BAZ2B: variants seen among roughly 807,000 people sequenced by gnomAD.
The protein encoded by BAZ2B is bromodomain adjacent to zinc finger domain protein 2B.
A neutral mutation model predicts 246.0 loss-of-function variants in BAZ2B; 91 were observed. The observed-to-expected ratio is 0.37, with a 90% CI of 0.31 to 0.44. The LOEUF (loss-of-function observed/expected upper bound fraction) is 0.44, where lower values mean the gene tolerates loss of function less well. BAZ2B is among the 20% of genes least tolerant of loss of function. The pLI is 1.00. For missense variants in BAZ2B, 2,332 were observed against 2,533.7 expected (o/e 0.92, Z 1.71); for synonymous variants, 855 against 860.0 (o/e 0.99, Z 0.10).
chr2:159,562,176 T>G (rs1259525296), intron 1 of BAZ2B, among the ~76,000 whole-genome samples: 5 of 152,224 alleles, frequency 3.3e-5, no homozygotes, highest in Admixed American at 3.3e-4. Flanking sequence ...TTTGCATCAC[T>G]TGTCTTTATT....
At chr2:159,682,497 CA>C in the BAZ2B span, among the ~76,000 whole-genome samples, 1 of 152,058 alleles carries the variant, frequency 6.6e-6, no homozygotes, top group Non-Finnish European at 1.5e-5. Context: ...TTCTATTGGC[CA>C]AAACATTTGG....
intron 1 of BAZ2B, among the ~76,000 whole-genome samples, chr2:159,573,662 G>A (rs1317217344): frequency 1.3e-5 from 2 of 152,178 alleles, no homozygotes; most frequent in Non-Finnish European, 1.5e-5. Flanking sequence ...AATAGATAAC[G>A]TGGACTTTTG....
intron 24 of BAZ2B, among the ~76,000 whole-genome samples, chr2:159,383,140 A>G (rs2062206938): frequency 1.3e-5 from 2 of 152,170 alleles, no homozygotes; most frequent in African/African-American, 4.8e-5. Context: ...AATTACTACA[A>G]AGAAACTAAC....
chr2:159,690,962 G>A, the BAZ2B span, among the ~76,000 whole-genome samples: 1 of 151,894 alleles, frequency 6.6e-6, no homozygotes, highest in Admixed American at 6.6e-5. Flanking sequence ...TGCTCCTGAT[G>A]GTACTAGTAA....
At chr2:159,390,624 A>T (rs1163301227) in intron 20 of BAZ2B, among the ~76,000 whole-genome samples, 1 of 152,132 alleles carries the variant, frequency 6.6e-6, no homozygotes, top group Non-Finnish European at 1.5e-5. Flanking sequence ...GCCAAGAGGG[A>T]GAAAGAGAGG....
At chr2:159,594,404 C>G (rs985944747) in intron 1 of BAZ2B, among the ~76,000 whole-genome samples, 2 of 149,928 alleles carry the variant, frequency 1.3e-5, no homozygotes, top group South Asian at 2.1e-4. Flanking sequence ...GAGACTCCGT[C>G]TCAAAAAAAA....
intron 1 of BAZ2B, among the ~76,000 whole-genome samples, chr2:159,595,506 G>A (rs1293467999): frequency 6.6e-6 from 1 of 152,188 alleles, no homozygotes; most frequent in Admixed American, 6.5e-5. Flanking sequence ...TGTAAAAAGT[G>A]GTGTTGTGTG....
At chr2:159,357,947 C>T (rs945324028) in intron 27 of BAZ2B, among the ~76,000 whole-genome samples, 1 of 152,172 alleles carries the variant, frequency 6.6e-6, no homozygotes, top group Admixed American at 6.6e-5. Context: ...GCCTGCCTTA[C>T]AAGAGCTCCT....
chr2:159,549,041 G>A (rs2087758453), intron 2 of BAZ2B, among the ~76,000 whole-genome samples: 1 of 152,116 alleles, frequency 6.6e-6, no homozygotes, highest in South Asian at 2.1e-4. Context: ...GCACTTATGG[G>A]AGGCCGAGGC....
the BAZ2B span, among the ~76,000 whole-genome samples, chr2:159,707,216 G>A: frequency 6.6e-6 from 1 of 151,884 alleles, no homozygotes; most frequent in Non-Finnish European, 1.5e-5. Context: ...GCTACATTTG[G>A]CCCATGTACC....
chr2:159,350,910 G>A (rs1237073549), intron 27 of BAZ2B, among the ~76,000 whole-genome samples: 4 of 148,216 alleles, frequency 2.7e-5, no homozygotes, highest in Non-Finnish European at 4.5e-5. Flanking sequence ...ATTAAAATCC[G>A]GTGGGGGGAG....
At chr2:159,455,150 C>A (rs1347157726) in intron 3 of BAZ2B, among the ~76,000 whole-genome samples, 3 of 152,004 alleles carry the variant, frequency 2.0e-5, no homozygotes, top group African/African-American at 7.2e-5. Flanking sequence ...CTGTGCACTG[C>A]AATTTAATTA....
the BAZ2B span, among the ~76,000 whole-genome samples, chr2:159,709,255 T>A: frequency 1.4e-4 from 21 of 151,052 alleles, no homozygotes; most frequent in East Asian, 3.9e-3. Flanking sequence ...TTGTTCTCAA[T>A]CAGGTAGACA....
intron 3 of BAZ2B, among the ~76,000 whole-genome samples, chr2:159,472,711 T>A (rs1349111891): frequency 6.6e-6 from 1 of 152,228 alleles, no homozygotes; most frequent in Non-Finnish European, 1.5e-5. Flanking sequence ...TTGAATATTA[T>A]CGCAGGCCTT....
chr2:159,455,955 G>A (rs1479970700), intron 3 of BAZ2B, among the ~76,000 whole-genome samples: 4 of 151,714 alleles, frequency 2.6e-5, no homozygotes, highest in Admixed American at 2.0e-4. Context: ...AACATACTAT[G>A]ATCAGTTCTT....
chr2:159,450,728 GC>G (rs1210198288), intron 4 of BAZ2B, among the ~76,000 whole-genome samples: 3 of 148,032 alleles, frequency 2.0e-5, no homozygotes, highest in Non-Finnish European at 3.0e-5. Context: ...CAGCATAGTA[GC>G]AACATTTAAC....
rs187372456 is a variant in BAZ2B, at chr2:159,472,712, C to T, written c.145+5863G>A. ...AGCATGAAGGGGTGTTGAATATTATCGCAGGCCTTTTCTGCATCTATTGAA... is the reference window on the plus strand; with the variant it reads ...AGCATGAAGGGGTGTTGAATATTATTGCAGGCCTTTTCTGCATCTATTGAA... On this transcript the variant is annotated intron_variant, in intron 3 of 36. Coordinates refer to ENST00000392783, the MANE Select transcript of BAZ2B (RefSeq NM_013450.4). Among the ~76,000 whole-genome samples, 10 of 152,232 alleles carry T rather than the reference C, an allele frequency of 6.6e-5. 1 individual carries two copies. In the South Asian group the frequency reaches 8.3e-4, roughly 13 times the overall value.
intron 1 of BAZ2B, among the ~76,000 whole-genome samples, chr2:159,605,593 C>T (rs1485415337): frequency 6.6e-6 from 1 of 151,708 alleles, no homozygotes; most frequent in Admixed American, 6.6e-5. Context: ...CAGAACACTT[C>T]ATTATAAAAA....
At chr2:159,463,192 G>C in intron 3 of BAZ2B, 1 of 561,232 alleles carries the variant, frequency 1.8e-6, no homozygotes, top group Non-Finnish European at 3.4e-6. Flanking sequence ...GGGTGCATGA[G>C]TGATGAATTT....
Sources: gnomAD v4.1 joint callset for allele counts (sites outside exome capture counted in the v4.1 genomes callset) on GRCh38, gnomAD v4.1.1 for gene constraint, MANE v1.5 for transcripts, NCBI Gene and HGNC (gene_info 2026-07-23, HGNC 2026-07-21) for gene names.